The following NAA35 variants were observed in gnomAD, a reference collection of about 807,000 sequenced individuals.
NAA35 encodes N-alpha-acetyltransferase 35, NatC auxiliary subunit.
Under a neutral mutation model 101.7 loss-of-function variants are expected in NAA35, and 18 were observed. The observed-to-expected ratio is 0.18, with a 90% CI of 0.12 to 0.26. The LOEUF (loss-of-function observed/expected upper bound fraction) is 0.26. Among genes scored for constraint, NAA35 ranks in the 10% least tolerant of loss-of-function variants. The pLI is 1.00. For synonymous variants in NAA35, 267 were observed against 273.1 expected (o/e 0.98, Z 0.22); for missense variants, 601 against 886.8 (o/e 0.68, Z 4.09).
At chr9:85,981,565 T>C (rs1427984813) in intron 11 of NAA35, among the ~76,000 whole-genome samples, 1 of 152,190 alleles carries the variant, frequency 6.6e-6, no homozygotes, top group Non-Finnish European at 1.5e-5. Context: ...AAATAGCTTG[T>C]GCATATGATC....
intron 11 of NAA35, among the ~76,000 whole-genome samples, chr9:85,989,989 T>C (rs1830833585): frequency 6.6e-6 from 1 of 152,170 alleles, no homozygotes; most frequent in Non-Finnish European, 1.5e-5. Context: ...CTTGTCGTAG[T>C]TCATTTTGTG....
At chr9:85,961,893 TAAG>T in intron 5 of NAA35, 117 bp from the exon 6 acceptor site, 1 of 635,980 alleles carries the variant, frequency 1.6e-6, no homozygotes, top group Non-Finnish European at 2.5e-6. Context: ...CTTTTTTTTT[TAAG>T]TCTTGTGATT....
chr9:86,012,042 A>G (rs1387477951), intron 15 of NAA35, among the ~76,000 whole-genome samples: 2 of 147,426 alleles, frequency 1.4e-5, no homozygotes, highest in African/African-American at 5.0e-5. Flanking sequence ...AGAAAAAACA[A>G]TAGAAGACCA....
At chr9:85,955,598 C>G (rs1021979020) in intron 2 of NAA35, among the ~76,000 whole-genome samples, 2 of 151,810 alleles carry the variant, frequency 1.3e-5, no homozygotes, top group Non-Finnish European at 2.9e-5. Context: ...CTCCTGACCT[C>G]GTGATCCACC....
chr9:85,987,404 G>C (rs1013679563), intron 11 of NAA35, among the ~76,000 whole-genome samples: 13 of 152,200 alleles, frequency 8.5e-5, no homozygotes, highest in Non-Finnish European at 1.6e-4. Context: ...TTACAACCCA[G>C]TCGGCTTAAC....
chr9:85,952,844 T>G (rs1356947847), intron 2 of NAA35, among the ~76,000 whole-genome samples: 2 of 152,192 alleles, frequency 1.3e-5, no homozygotes, highest in Non-Finnish European at 2.9e-5. Flanking sequence ...GAGTAATAAT[T>G]TTTACTGCTT....
chr9:86,000,965 C>G (rs1831396638), intron 12 of NAA35, among the ~76,000 whole-genome samples: 1 of 151,896 alleles, frequency 6.6e-6, no homozygotes, highest in South Asian at 2.1e-4. Flanking sequence ...TTCTCTGATT[C>G]TTTCAGTTGT....
chr9:85,987,412 AACTTGC>A (rs1830697270), intron 11 of NAA35, among the ~76,000 whole-genome samples: 1 of 152,236 alleles, frequency 6.6e-6, no homozygotes. Flanking sequence ...CAGTCGGCTT[AACTTGC>A]CCACCATGGC....
chr9:85,946,495 C>G (rs1489478492), intron 2 of NAA35, among the ~76,000 whole-genome samples: 2 of 152,074 alleles, frequency 1.3e-5, no homozygotes, highest in Admixed American at 1.3e-4. Flanking sequence ...GACTTCCATT[C>G]TTTTTATGTT....
rs780364714 is a variant in NAA35, at chr9:86,018,440, C to T, written c.1914+45C>T. The T allele has an allele frequency of 3.8e-6, 6 of 1,581,368 alleles. No homozygotes were observed. In the South Asian group the frequency reaches 4.6e-5, roughly 12 times the overall value. On this transcript the variant is annotated intron_variant, in intron 20 of 22. Transcript: ENST00000361671. ...TTGTTATGAAATCTTTAGTCTTAGA[C>T]CTTCTTAGAGAGATGCTGTTTGTAC...
Position 86,019,320 on chromosome 9 carries a change from C to T in NAA35, c.2037+499C>T, listed in dbSNP as rs374881615. ...CTAACAATACAAAAAATTAGCCAGG[C>T]GTGGTGCATGCCTGTCTGTAATCCC... On this transcript the variant is annotated intron_variant, in intron 21 of 22. Coordinates refer to ENST00000361671, the MANE Select transcript of NAA35 (RefSeq NM_024635.4). 1.2e-4 allele frequency among the ~76,000 whole-genome samples: 18 copies of T among 152,112 alleles called. No homozygotes were observed. The East Asian group carries it at 3.3e-3, about 28-fold the overall frequency.
chr9:85,970,685 A>G (rs1829963341), intron 6 of NAA35, among the ~76,000 whole-genome samples: 1 of 152,196 alleles, frequency 6.6e-6, no homozygotes, highest in African/African-American at 2.4e-5. Flanking sequence ...GTACTATTCA[A>G]AATATACTAT....
chr9:85,961,074 TGAG>T (rs1404357721), intron 5 of NAA35, among the ~76,000 whole-genome samples: 5 of 152,268 alleles, frequency 3.3e-5, no homozygotes, highest in African/African-American at 1.2e-4. Context: ...TTGCCAAAGT[TGAG>T]GAACTATTCT....
chr9:86,024,825 G>A lies in NAA35; in HGVS notation c.*2865G>A, dbSNP rs1376905815. On this transcript the variant is annotated 3_prime_UTR_variant, in exon 23 of 23. Coordinates refer to ENST00000361671, the MANE Select transcript of NAA35 (RefSeq NM_024635.4). ...AGGTAGTTTGGTCTCAAACTGGGAG[G>A]TGCCATCTGGGGTGGAGATGAACTG... 2.6e-5 allele frequency among the ~76,000 whole-genome samples: 4 copies of A among 152,240 alleles called. No individual in the cohort carries two copies. The East Asian group carries it at 7.7e-4, about 29-fold the overall frequency.
intron 15 of NAA35, among the ~76,000 whole-genome samples, chr9:86,011,903 TA>T (rs1416797155): frequency 3.4e-4 from 48 of 140,798 alleles, no homozygotes; most frequent in South Asian, 9.1e-4. Context: ...TGATATATAT[TA>T]ATATATATTA....
intron 15 of NAA35, among the ~76,000 whole-genome samples, chr9:86,010,812 C>A (rs535281504): frequency 6.6e-6 from 1 of 150,944 alleles, no homozygotes; most frequent in African/African-American, 2.4e-5. Flanking sequence ...CTCCTAACCT[C>A]GTGATCCACC....
intron 2 of NAA35, among the ~76,000 whole-genome samples, chr9:85,945,751 C>T (rs1190544492): frequency 6.6e-6 from 1 of 152,016 alleles, no homozygotes; most frequent in Non-Finnish European, 1.5e-5. Context: ...GATCTCCTGA[C>T]CTCGTGATCC....
chr9:86,010,606 G>A (rs935813630), intron 15 of NAA35, among the ~76,000 whole-genome samples: 3 of 125,706 alleles, frequency 2.4e-5, no homozygotes, highest in African/African-American at 3.2e-5. Flanking sequence ...ACGGTGTCTC[G>A]CTCTGTGGCC....
At chr9:86,018,868 A>AT (rs1453312463) in intron 21 of NAA35, 47 bp downstream of exon 21, 1 of 1,600,824 alleles carries the variant, frequency 6.2e-7, no homozygotes, top group Admixed American at 1.7e-5. Flanking sequence ...GTGGCAGGAA[A>AT]TACATCTCTT....
Sources: gnomAD v4.1 joint callset for allele counts (sites outside exome capture counted in the v4.1 genomes callset) on GRCh38, gnomAD v4.1.1 for gene constraint, MANE v1.5 for transcripts, NCBI Gene and HGNC (gene_info 2026-07-23, HGNC 2026-07-21) for gene names.